PCDHGB1: variants seen among roughly 807,000 people sequenced by gnomAD.
PCDHGB1 encodes protocadherin gamma-B1.
PCDHGB1 carries 34 observed loss-of-function variants against 56.6 expected under a neutral mutation model. The ratio of observed to expected loss-of-function variants is 0.60; its 90% CI spans 0.46 to 0.80. PCDHGB1 has a LOEUF of 0.80. PCDHGB1 is among the 30% of genes least tolerant of loss of function. The probability of loss-of-function intolerance (pLI) is 0.00; values close to 1 mark genes in which losing one functional copy is unlikely to be tolerated. For missense variants in PCDHGB1, 1,278 were observed against 1,204.6 expected (o/e 1.06, Z -0.90); for synonymous variants, 561 against 505.9 (o/e 1.11, Z -1.46).
chr5:141,389,230 T>G, intron 1 of PCDHGB1: 1 of 1,613,936 alleles, frequency 6.2e-7, no homozygotes, highest in Non-Finnish European at 8.5e-7. Flanking sequence ...AACGCTCCGG[T>G]TTTCTCACAG....
chr5:141,360,387 A>AC (rs1216903112), intron 1 of PCDHGB1: 2 of 1,613,826 alleles, frequency 1.2e-6, no homozygotes, highest in African/African-American at 2.7e-5. Flanking sequence ...GCGGAGACTT[A>AC]CTTGTGAGTG....
At chr5:141,478,733 T>C (rs1562072874) in intron 1 of PCDHGB1, 8 of 1,537,128 alleles carry the variant, frequency 5.2e-6, no homozygotes, top group Non-Finnish European at 7.0e-6. Context: ...AGAGTGTGGT[T>C]TGTGGTCCCA....
intron 1 of PCDHGB1, chr5:141,416,276 A>G (rs553989511): frequency 6.6e-6 from 1 of 152,388 alleles, no homozygotes; most frequent in East Asian, 1.9e-4. Context: ...TTTTGCATAC[A>G]ATTCTCTAAT....
At chr5:141,395,095 C>G in intron 1 of PCDHGB1, 1 of 1,614,174 alleles carries the variant, frequency 6.2e-7, no homozygotes, top group Non-Finnish European at 8.5e-7. Flanking sequence ...TCCCTCACCG[C>G]CGACTCGCGG....
intron 1 of PCDHGB1, chr5:141,399,585 T>C (rs1452769752): frequency 6.2e-7 from 1 of 1,613,984 alleles, no homozygotes; most frequent in South Asian, 1.1e-5. Context: ...TCTCCTACTC[T>C]ATCATGGCCA....
In PCDHGB1 at chr5:141,477,868, C is replaced by T. The variant is rs1450078298; in HGVS notation, c.2410-16939C>T. 2 of 1,613,750 alleles carry T rather than the reference C, an allele frequency of 1.2e-6. No individual in the cohort carries two copies. Among genetic ancestry groups the T allele is most frequent in the Admixed American group, 3.3e-5 (2 of 59,988 alleles). On this transcript the variant is annotated intron_variant, in intron 1 of 3. Coordinates refer to ENST00000523390, the MANE Select transcript of PCDHGB1 (RefSeq NM_018922.3). This position sits in a 1 kb window ranked among gnomAD's most constrained non-coding sequence, Gnocchi z 4.9. ...CGGTGGAGATGCTGCCTCGAGGTAC[C>T]TCAGCTGGCCACCTAGTGTCACGGG...
At chr5:141,427,700 C>A in intron 1 of PCDHGB1, 3 of 945,490 alleles carry the variant, frequency 3.2e-6, no homozygotes, top group South Asian at 2.7e-5. Flanking sequence ...TCCCACAAGT[C>A]AGCGCCTCTG....
chr5:141,409,412 C>A, intron 1 of PCDHGB1: 1 of 1,614,032 alleles, frequency 6.2e-7, no homozygotes, highest in Non-Finnish European at 8.5e-7. Flanking sequence ...CTACTACAAA[C>A]TGGTGACAGA....
intron 1 of PCDHGB1, chr5:141,378,932 C>T (rs1274056612): frequency 1.2e-4 from 18 of 152,100 alleles, no homozygotes; most frequent in Admixed American, 1.2e-3. Context: ...AAGTTGATGG[C>T]CCTGGAATGA....
chr5:141,490,584 T>G lies in PCDHGB1; in HGVS notation c.2410-4223T>G, dbSNP rs751060540. 1 of 1,614,170 alleles carries G rather than the reference T, an allele frequency of 6.2e-7. No individual in the cohort carries two copies. Among genetic ancestry groups the G allele is most frequent in the South Asian group, 1.1e-5 (1 of 91,080 alleles). ...TCAGGCTCAACATTTCAGATGTCAA[T>G]GACAATGCACCCCGCTTCAACCAGC... On this transcript the variant is annotated intron_variant, in intron 1 of 3. Transcript: ENST00000523390. This position sits in a 1 kb window ranked among gnomAD's most constrained non-coding sequence, Gnocchi z 5.4.
intron 1 of PCDHGB1, chr5:141,415,794 A>C: frequency 7.3e-7 from 1 of 1,366,410 alleles, no homozygotes; most frequent in Non-Finnish European, 9.3e-7. Context: ...AAATTCACCT[A>C]GTCTCAATCA....
In PCDHGB1 at chr5:141,431,964, A is replaced by G; in HGVS notation, c.2410-62843A>G. On this transcript the variant is annotated intron_variant, in intron 1 of 3. Coordinates refer to ENST00000523390, the MANE Select transcript of PCDHGB1 (RefSeq NM_018922.3). The surrounding 1 kb of genome is among the most constrained non-coding windows in gnomAD (Gnocchi z 4.8). Reference sequence around the variant, plus strand: ...TTAGAAAAATCTTACGGAAATTACTATAGTTTAGTCACAGACATAGTCTTG... The same window carrying G: ...TTAGAAAAATCTTACGGAAATTACTGTAGTTTAGTCACAGACATAGTCTTG... 2.5e-6 allele frequency: 4 copies of G among 1,614,218 alleles called. No individual in the cohort carries two copies. The highest frequency in any genetic ancestry group is 2.5e-6 in the Non-Finnish European group (3 of 1,180,028).
chr5:141,412,790 A>G lies in PCDHGB1; in HGVS notation c.2409+60121A>G, dbSNP rs557299291. ...ATTTACAATATTTTCACTCCACTTTATCACACCTCCCCTAAGAAACCTACA... is the reference window on the plus strand; with the variant it reads ...ATTTACAATATTTTCACTCCACTTTGTCACACCTCCCCTAAGAAACCTACA... On this transcript the variant is annotated intron_variant, in intron 1 of 3. Coordinates refer to ENST00000523390, the MANE Select transcript of PCDHGB1 (RefSeq NM_018922.3). Among the ~76,000 whole-genome samples the G allele has an allele frequency of 2.0e-5, 3 of 152,370 alleles. No individual in the cohort carries two copies. The South Asian group carries it at 6.2e-4, about 32-fold the overall frequency.
intron 1 of PCDHGB1, chr5:141,371,956 A>C: frequency 6.2e-7 from 1 of 1,613,272 alleles, no homozygotes; most frequent in Non-Finnish European, 8.5e-7. Flanking sequence ...CGAGCCTTCG[A>C]CCACGAGCAG....
chr5:141,478,652 G>A (rs188883724), intron 1 of PCDHGB1: 2 of 1,551,970 alleles, frequency 1.3e-6, no homozygotes, highest in East Asian at 2.4e-5. Flanking sequence ...TGTTTTCCTG[G>A]TGATGCATTC....
rs1035125527 is a variant in PCDHGB1, at chr5:141,485,059, C to T, written c.2410-9748C>T. The T allele has an allele frequency of 7.0e-6, 6 of 858,958 alleles. No homozygotes were observed. The highest frequency in any genetic ancestry group is 2.4e-5 in the East Asian group (1 of 40,854). 53.2% of individuals were successfully genotyped at this position (858,958 alleles called of 1,614,324 possible). A position where few individuals can be genotyped will look rare whatever the true frequency, so the allele number is the denominator to read the frequency against. ...AACCCTTGCGGCGCCGGCCGAACCG[C>T]GCCAGAGCTGGCGCGGGGAAAGGGA... On this transcript the variant is annotated intron_variant, in intron 1 of 3. Coordinates refer to ENST00000523390, the MANE Select transcript of PCDHGB1 (RefSeq NM_018922.3). This position sits in a 1 kb window ranked among gnomAD's most constrained non-coding sequence, Gnocchi z 5.7.
At chr5:141,399,644 A>C in intron 1 of PCDHGB1, 1 of 1,613,810 alleles carries the variant, frequency 6.2e-7, no homozygotes, top group Non-Finnish European at 8.5e-7. Flanking sequence ...ATGAGCGCGC[A>C]AAGTGGGGTG....
At chr5:141,376,640 T>TA in intron 1 of PCDHGB1, 1 of 1,130,380 alleles carries the variant, frequency 8.8e-7, no homozygotes, top group Non-Finnish European at 1.2e-6. Context: ...CGTGATTTTG[T>TA]AAAGTGGAAG....
At chr5:141,395,437 G>T in intron 1 of PCDHGB1, 1 of 668,370 alleles carries the variant, frequency 1.5e-6, no homozygotes, top group Non-Finnish European at 2.4e-6. Context: ...TAAACGACTT[G>T]GAAAAGATTG....
Sources: gnomAD v4.1 joint callset for allele counts (sites outside exome capture counted in the v4.1 genomes callset) on GRCh38, gnomAD v4.1.1 for gene constraint, Gnocchi (gnomAD v3.1) non-coding constraint, MANE v1.5 for transcripts, NCBI Gene and HGNC (gene_info 2026-07-23, HGNC 2026-07-21) for gene names.